The following KCTD10 variants were observed in gnomAD, a reference collection of about 807,000 sequenced individuals.
The protein encoded by KCTD10 is potassium channel tetramerization domain containing 10.
In KCTD10, 13 loss-of-function variants were observed where a neutral mutation model predicts 34.6. That is an observed-to-expected ratio of 0.38 (90% CI 0.24 to 0.60). KCTD10 has a LOEUF of 0.60. Ranked by LOEUF, KCTD10 falls within the 20% of genes least tolerant of loss-of-function variation. The pLI, the probability that KCTD10 is intolerant of heterozygous loss-of-function variation, is 0.66. For missense variants in KCTD10, 256 were observed against 420.3 expected (o/e 0.61, Z 3.42); for synonymous variants, 156 against 168.8 (o/e 0.92, Z 0.59).
chr12:109,456,831 A>T (rs958183164), intron 5 of KCTD10: 4 of 164,378 alleles, frequency 2.4e-5, no homozygotes, highest in Non-Finnish European at 4.0e-5. Context: ...GGAATGTAAA[A>T]TGGTGCAGCC....
Position 109,467,856 on chromosome 12 carries a change from G to A in KCTD10, c.217+1659C>T, listed in dbSNP as rs558553055. ...TACCACTCGTATGCTCTGTCCAGTCGGGGACAGGGGGACAGAGGAGTCCGT... is the reference window on the plus strand; with the variant it reads ...TACCACTCGTATGCTCTGTCCAGTCAGGGACAGGGGGACAGAGGAGTCCGT... On this transcript the variant is annotated intron_variant, in intron 2 of 6. Transcript: ENST00000228495. Among the ~76,000 whole-genome samples the A allele has an allele frequency of 1.4e-4, 21 of 152,142 alleles. 1 individual carries two copies. In the South Asian group the frequency reaches 2.1e-3, roughly 15 times the overall value.
Position 109,471,369 on chromosome 12 carries a change from G to A in KCTD10, c.4-1641C>T, listed in dbSNP as rs1873877602. The A allele has an allele frequency of 9.1e-6, 9 of 985,462 alleles. No individual in the cohort carries two copies. The South Asian group carries it at 2.3e-4, about 26-fold the overall frequency. 61.0% of individuals were successfully genotyped at this position (985,462 alleles called of 1,614,324 possible). A position where few individuals can be genotyped will look rare whatever the true frequency, so the allele number is the denominator to read the frequency against. On this transcript the variant is annotated intron_variant, in intron 1 of 6. Coordinates refer to ENST00000228495, the MANE Select transcript of KCTD10 (RefSeq NM_031954.5). The stretch of plus-strand genomic sequence containing the variant: ...CAGTGGCCTGGATATCACCTGCCAT[G>A]TCAGGGCCCTGCAGAGTGAAACAGA...
intron 1 of KCTD10, 103 bp downstream of exon 1, chr12:109,477,157 C>T (rs1009558613): frequency 4.2e-6 from 6 of 1,417,150 alleles, no homozygotes; most frequent in Non-Finnish European, 4.8e-6. Context: ...ATCGTGACTG[C>T]CCCTCATCAC....
chr12:109,466,552 T>TGTTGAACCCAGGC (rs1323782601), intron 2 of KCTD10, among the ~76,000 whole-genome samples: 1 of 151,710 alleles, frequency 6.6e-6, no homozygotes, highest in Non-Finnish European at 1.5e-5. Flanking sequence ...CAGAGCCAGG[T>TGTTGAACCCAGGC]GTTGAACCCA....
chr12:109,474,382 T>G (rs1445526568), intron 1 of KCTD10, among the ~76,000 whole-genome samples: 2 of 152,144 alleles, frequency 1.3e-5, no homozygotes, highest in Non-Finnish European at 2.9e-5. Flanking sequence ...AGTTAAATGG[T>G]CAGTCTCTCT....
Position 109,450,479 on chromosome 12 carries a change from C to A in KCTD10, c.*1116G>T. 1 of 398,692 alleles carries A rather than the reference C, an allele frequency of 2.5e-6. No individual in the cohort carries two copies. Among genetic ancestry groups the A allele is most frequent in the South Asian group, 1.3e-4 (1 of 7,638 alleles). 24.7% of individuals were successfully genotyped at this position (398,692 alleles called of 1,614,324 possible). On this transcript the variant is annotated 3_prime_UTR_variant, in exon 7 of 7. Transcript: ENST00000228495. ...TCTACCCGCACATCCTCAACCTGTTCACTGCTGGCCACTCTACACTGTGTA... is the reference window on the plus strand; with the variant it reads ...TCTACCCGCACATCCTCAACCTGTTAACTGCTGGCCACTCTACACTGTGTA...
intron 6 of KCTD10, among the ~76,000 whole-genome samples, chr12:109,454,426 A>T (rs1329451957): frequency 6.6e-6 from 1 of 152,206 alleles, no homozygotes; most frequent in Non-Finnish European, 1.5e-5. Flanking sequence ...TGGAGATGAG[A>T]CAGGAGAGGA....
rs1396947535 is a variant in KCTD10 at position 109,450,606 on chromosome 12, C to CA, written c.*988dup. On this transcript the variant is annotated 3_prime_UTR_variant, in exon 7 of 7. Transcript: ENST00000228495. Reference sequence around the variant, plus strand: ...CTGCCTGGATGCCAGGCTGGGAGGACAAAGGGTATGGGCCACACTGAATTT... The same window carrying CA: ...CTGCCTGGATGCCAGGCTGGGAGGACAAAAGGGTATGGGCCACACTGAATTT... 1 of 384,106 alleles carries CA rather than the reference C, an allele frequency of 2.6e-6. No individual in the cohort carries two copies. Among genetic ancestry groups the CA allele is most frequent in the Non-Finnish European group, 4.6e-6 (1 of 217,448 alleles). 23.8% of individuals were successfully genotyped at this position (384,106 alleles called of 1,614,324 possible).
rs1872777404 is a variant in KCTD10, at chr12:109,451,672, C to T, written c.865G>A (p.Glu289Lys). 1.2e-6 allele frequency: 2 copies of T among 1,613,726 alleles called. No individual in the cohort carries two copies. The highest frequency in any genetic ancestry group is 1.7e-6 in the Non-Finnish European group (2 of 1,179,914). ...ACGCGCTCGATCCGCTCCCGCTCCT[C>T]GTCCTCGTCCAGGTGGTGGGAGCGC... The part of the protein sequence containing the change: ...AGRSHHLDED[E>K]ERERIERVRR... The change falls in exon 7 of 7, where the codon GAG becomes AAG. Residue 289 changes from glutamate (E) to lysine (K), a missense_variant. By Grantham distance (56) the Glu-to-Lys change is moderately conservative (BLOSUM62 1). Transcript: ENST00000228495. This position sits in a 1 kb window ranked among gnomAD's most constrained non-coding sequence, Gnocchi z 5.0.
At chr12:109,468,653 C>CT (rs34623703) in intron 2 of KCTD10, among the ~76,000 whole-genome samples, 30,116 of 132,316 alleles carry the variant, frequency 0.23, 4,188 homozygotes, top group Middle Eastern at 0.33. Context: ...AATTCTTTGC[C>CT]TTTTTTTTTT....
intron 1 of KCTD10, chr12:109,471,185 A>G (rs1385769894): frequency 1.0e-6 from 1 of 985,316 alleles, no homozygotes; most frequent in Non-Finnish European, 1.2e-6. Flanking sequence ...GGGTACTACA[A>G]CTATAACTGG....
intron 2 of KCTD10, among the ~76,000 whole-genome samples, chr12:109,468,653 C>CTT (rs34623703): frequency 0.2 from 26,652 of 132,320 alleles, 3,100 homozygotes; most frequent in Non-Finnish European, 0.23. Context: ...AATTCTTTGC[C>CTT]TTTTTTTTTT....
rs1050546481 is a variant in KCTD10 at position 109,451,569 on chromosome 12, G to A, written c.*26C>T. On this transcript the variant is annotated 3_prime_UTR_variant, in exon 7 of 7. Transcript: ENST00000228495. The surrounding 1 kb of genome is among the most constrained non-coding windows in gnomAD (Gnocchi z 5.0). ...ACGGCAGGGAGTGGGGGCGGTGAGAGGAGGGCGGCTCGGTCTCTTGCCTGC... is the reference window on the plus strand; with the variant it reads ...ACGGCAGGGAGTGGGGGCGGTGAGAAGAGGGCGGCTCGGTCTCTTGCCTGC... 2 of 1,581,480 alleles carry A rather than the reference G, an allele frequency of 1.3e-6. No individual in the cohort carries two copies. Among genetic ancestry groups the A allele is most frequent in the East Asian group, 2.3e-5 (1 of 44,286 alleles).
intron 2 of KCTD10, among the ~76,000 whole-genome samples, chr12:109,467,108 A>C (rs996546280): frequency 6.6e-6 from 1 of 152,212 alleles, no homozygotes; most frequent in Non-Finnish European, 1.5e-5. Context: ...GTTAAACCAT[A>C]AGGATGCCAC....
intron 1 of KCTD10, 117 bp downstream of exon 1, chr12:109,477,143 C>T: frequency 7.7e-7 from 1 of 1,303,022 alleles, no homozygotes; most frequent in South Asian, 1.4e-5. Context: ...AATGCCTCTC[C>T]ACTATCGTGA....
chr12:109,472,647 T>C (rs943097678), intron 1 of KCTD10, among the ~76,000 whole-genome samples: 14 of 152,348 alleles, frequency 9.2e-5, no homozygotes, highest in Admixed American at 7.2e-4. Flanking sequence ...GCTAGACTTA[T>C]ACAACTGGCA....
intron 2 of KCTD10, among the ~76,000 whole-genome samples, chr12:109,461,774 TGA>T (rs1249765456): frequency 6.6e-6 from 1 of 151,680 alleles, no homozygotes; most frequent in Non-Finnish European, 1.5e-5. Context: ...GCCAGACAGA[TGA>T]GAGGGTGAAG....
chr12:109,476,546 C>T (rs1174364607), intron 1 of KCTD10, among the ~76,000 whole-genome samples: 1 of 152,144 alleles, frequency 6.6e-6, no homozygotes, highest in Non-Finnish European at 1.5e-5. Context: ...TAGGCGTGGT[C>T]ACCTCTGGCC....
intron 2 of KCTD10, chr12:109,464,944 G>T (rs1024306439): frequency 2.0e-4 from 89 of 442,332 alleles, no homozygotes; most frequent in African/African-American, 1.6e-3. Context: ...TAAACTCTAG[G>T]GCTGAGCTCC....
Sources: gnomAD v4.1 joint callset for allele counts (sites outside exome capture counted in the v4.1 genomes callset) on GRCh38, gnomAD v4.1.1 for gene constraint, Gnocchi (gnomAD v3.1) non-coding constraint, MANE v1.5 for transcripts, NCBI Gene and HGNC (gene_info 2026-07-23, HGNC 2026-07-21) for gene names.